Variants in LOC400499 observed in about 807,000 individuals in gnomAD.
chr16:11,470,170 C>G, the LOC400499 span, among the ~76,000 whole-genome samples: 1 of 152,162 alleles, frequency 6.6e-6, no homozygotes, highest in South Asian at 2.1e-4. Flanking sequence ...GCCTTGGCCT[C>G]CCAAACTGCT....
chr16:11,400,736 C>G, the LOC400499 span, among the ~76,000 whole-genome samples: 4 of 152,198 alleles, frequency 2.6e-5, no homozygotes, highest in Non-Finnish European at 5.9e-5. Flanking sequence ...CCACCACGTC[C>G]GGCCCCTCTT....
chr16:11,441,497 CAT>C, the LOC400499 span, among the ~76,000 whole-genome samples: 1 of 152,210 alleles, frequency 6.6e-6, no homozygotes, highest in Non-Finnish European at 1.5e-5. Context: ...ATGAGTAACT[CAT>C]AGTGGAGCTG....
At chr16:11,407,086 G>A in the LOC400499 span, 4 of 395,692 alleles carry the variant, frequency 1.0e-5, no homozygotes, top group Non-Finnish European at 1.8e-5. Context: ...TCACAGCCTT[G>A]TCTGTCCTTC....
the LOC400499 span, among the ~76,000 whole-genome samples, chr16:11,488,116 CA>C: frequency 2.8e-3 from 391 of 138,846 alleles, 1 homozygote; most frequent in African/African-American, 7.3e-3. Context: ...TAGTCCATGT[CA>C]AAAAAAAAAA....
the LOC400499 span, among the ~76,000 whole-genome samples, chr16:11,434,140 G>A: frequency 4.6e-5 from 7 of 152,120 alleles, no homozygotes; most frequent in African/African-American, 1.2e-4. Context: ...GCTCTGGAGA[G>A]CTCACCAAGC....
the LOC400499 span, among the ~76,000 whole-genome samples, chr16:11,452,156 A>C: frequency 6.6e-6 from 1 of 151,078 alleles, no homozygotes; most frequent in Non-Finnish European, 1.5e-5. Context: ...GTGATCTGGC[A>C]AACTCAGGCC....
At chr16:11,418,868 G>A in the LOC400499 span, among the ~76,000 whole-genome samples, 5,614 of 152,248 alleles carry the variant, frequency 0.037, 151 homozygotes, top group Non-Finnish European at 0.054. Context: ...AATTGTCTTA[G>A]TAAAACCTTC....
chr16:11,391,894 A>C, the LOC400499 span: 38 of 1,136,764 alleles, frequency 3.3e-5, no homozygotes, highest in African/African-American at 5.6e-4. Context: ...AATCAGGGTG[A>C]GGTCCAGGGC....
chr16:11,470,416 C>G, the LOC400499 span, among the ~76,000 whole-genome samples: 1 of 152,208 alleles, frequency 6.6e-6, no homozygotes, highest in Non-Finnish European at 1.5e-5. Flanking sequence ...TGCAACTTCA[C>G]CTGAAATTGC....
At chr16:11,423,126 G>A in the LOC400499 span, 1 of 399,250 alleles carries the variant, frequency 2.5e-6, no homozygotes, top group Non-Finnish European at 4.4e-6. Flanking sequence ...CAGCCCCGCT[G>A]GAGGGGCCCA....
At chr16:11,394,637 G>C in the LOC400499 span, among the ~76,000 whole-genome samples, 2 of 152,194 alleles carry the variant, frequency 1.3e-5, no homozygotes, top group East Asian at 3.8e-4. Context: ...TAATCAAGTT[G>C]AGGCCATAGT....
chr16:11,495,828 G>GGACCCC, the LOC400499 span, among the ~76,000 whole-genome samples: 1 of 152,324 alleles, frequency 6.6e-6, no homozygotes, highest in Non-Finnish European at 1.5e-5. Flanking sequence ...GGTAAGGGAC[G>GGACCCC]TGCCTCAGGT....
the LOC400499 span, chr16:11,392,773 G>C: frequency 6.1e-6 from 6 of 984,010 alleles, no homozygotes; most frequent in South Asian, 4.7e-5. Flanking sequence ...CAGGAGTACA[G>C]TGGCTGGATC....
At chr16:11,384,414 G>C in the LOC400499 span, 279,734 of 667,392 alleles carry the variant, frequency 0.42, 62,379 homozygotes, top group Non-Finnish European at 0.48. Flanking sequence ...CTGTGTGTGA[G>C]ATGAGCCTGA....
At chr16:11,463,144 C>G in the LOC400499 span, among the ~76,000 whole-genome samples, 1 of 152,182 alleles carries the variant, frequency 6.6e-6, no homozygotes, top group Non-Finnish European at 1.5e-5. Flanking sequence ...AGATGGGCCA[C>G]GGGGACAGCT....
At chr16:11,475,780 C>A in the LOC400499 span, 1 of 397,178 alleles carries the variant, frequency 2.5e-6, no homozygotes, top group South Asian at 1.3e-4. Flanking sequence ...CAAGTAACAC[C>A]TTGAGCTGCC....
the LOC400499 span, among the ~76,000 whole-genome samples, chr16:11,403,398 G>A: frequency 6.6e-6 from 1 of 152,184 alleles, no homozygotes; most frequent in East Asian, 1.9e-4. Flanking sequence ...AGCTCACCAA[G>A]GGTGGCACAA....
the LOC400499 span, among the ~76,000 whole-genome samples, chr16:11,522,473 A>G: frequency 6.6e-6 from 1 of 152,058 alleles, no homozygotes; most frequent in Non-Finnish European, 1.5e-5. Flanking sequence ...ACCTTTACCC[A>G]CAAGATGCCA....
chr16:11,446,904 C>A, the LOC400499 span: 2 of 1,534,218 alleles, frequency 1.3e-6, no homozygotes, highest in Non-Finnish European at 1.7e-6. Flanking sequence ...GCAGGTGCAA[C>A]GGGTGCCTGG....
Sources: gnomAD v4.1 joint callset for allele counts (sites outside exome capture counted in the v4.1 genomes callset) on GRCh38, gnomAD v4.1.1 for gene constraint, MANE v1.5 for transcripts.